WWOX: variants seen among roughly 807,000 people sequenced by gnomAD.
WWOX encodes the protein WW domain-containing oxidoreductase.
A neutral mutation model predicts 46.2 loss-of-function variants in WWOX; 69 were observed. That is an observed-to-expected ratio of 1.49 (90% confidence interval 1.23 to 1.82). The LOEUF (loss-of-function observed/expected upper bound fraction) is 1.82. Among genes scored for constraint, WWOX ranks in the 40% most tolerant of loss-of-function variants. The pLI, the probability that WWOX is intolerant of heterozygous loss-of-function variation, is 0.00. For synonymous variants in WWOX, 359 were observed against 202.6 expected (o/e 1.77, Z -6.56); for missense variants, 919 against 542.6 (o/e 1.69, Z -6.89).
At chr16:78,599,886 C>G (rs933452174) in intron 8 of WWOX, among the ~76,000 whole-genome samples, 1 of 152,060 alleles carries the variant, frequency 6.6e-6, no homozygotes, top group Non-Finnish European at 1.5e-5. Flanking sequence ...GGTCAACCAC[C>G]GCATTTCTAG....
At chr16:78,658,496 G>T (rs957587304) in intron 8 of WWOX, among the ~76,000 whole-genome samples, 1 of 152,162 alleles carries the variant, frequency 6.6e-6, no homozygotes, top group South Asian at 2.1e-4. Flanking sequence ...CACAGTTTTG[G>T]AGGCCAGACA....
At chr16:78,554,989 T>A (rs2044257002) in intron 8 of WWOX, among the ~76,000 whole-genome samples, 1 of 152,148 alleles carries the variant, frequency 6.6e-6, no homozygotes, top group Non-Finnish European at 1.5e-5. Flanking sequence ...GGGGCCCGGA[T>A]AAACCAGCAG....
chr16:78,383,537 C>T (rs189652880), intron 5 of WWOX, among the ~76,000 whole-genome samples: 3 of 152,080 alleles, frequency 2.0e-5, no homozygotes, highest in Admixed American at 6.5e-5. Flanking sequence ...GTTCACCTCT[C>T]GAAAAGGGGT....
chr16:78,468,161 G>A (rs57397584), intron 8 of WWOX, among the ~76,000 whole-genome samples: 3,904 of 151,966 alleles, frequency 0.026, 190 homozygotes, highest in African/African-American at 0.09. Flanking sequence ...GATCTTCACT[G>A]CTTTTACTAT....
chr16:78,659,140 G>C (rs1310289424), intron 8 of WWOX, among the ~76,000 whole-genome samples: 2 of 151,566 alleles, frequency 1.3e-5, no homozygotes, highest in Admixed American at 6.6e-5. Context: ...ACATGCTGGT[G>C]CACACATAAA....
intron 8 of WWOX, among the ~76,000 whole-genome samples, chr16:78,859,485 G>A (rs2052666354): frequency 1.3e-5 from 2 of 152,158 alleles, no homozygotes; most frequent in African/African-American, 4.8e-5. Flanking sequence ...AATTAAAAAT[G>A]GAATGTGTTA....
At chr16:78,642,946 T>G (rs2046755224) in intron 8 of WWOX, among the ~76,000 whole-genome samples, 1 of 152,178 alleles carries the variant, frequency 6.6e-6, no homozygotes, top group Admixed American at 6.5e-5. Context: ...ATAGTAATAA[T>G]AAGACCTGCT....
intron 8 of WWOX, among the ~76,000 whole-genome samples, chr16:78,779,822 A>G (rs1342591025): frequency 6.6e-6 from 1 of 152,170 alleles, no homozygotes; most frequent in African/African-American, 2.4e-5. Context: ...CTCTGGCCCC[A>G]AGGAAGGAAA....
At chr16:78,337,061 G>A (rs890985557) in intron 5 of WWOX, among the ~76,000 whole-genome samples, 5 of 152,156 alleles carry the variant, frequency 3.3e-5, no homozygotes, top group Non-Finnish European at 7.3e-5. Context: ...GATTACAGGT[G>A]TCAGCTAGTG....
At chr16:78,312,394 T>TTTTTTTTA (rs77756746) in intron 5 of WWOX, among the ~76,000 whole-genome samples, 10 of 151,350 alleles carry the variant, frequency 6.6e-5, no homozygotes, top group Admixed American at 6.6e-5. Context: ...TTTTTTTTTT[T>TTTTTTTTA]AAGACGGAGT....
At chr16:78,699,684 TGCCCGCTGATATCTACA>T (rs1038010526) in intron 8 of WWOX, among the ~76,000 whole-genome samples, 1 of 152,258 alleles carries the variant, frequency 6.6e-6, no homozygotes, top group African/African-American at 2.4e-5. Flanking sequence ...TTCCCTCTTC[TGCCCGCTGATATCTACA>T]GCCTCTACCA....
intron 8 of WWOX, among the ~76,000 whole-genome samples, chr16:78,742,051 C>T (rs1484368432): frequency 1.3e-5 from 2 of 152,210 alleles, no homozygotes; most frequent in Non-Finnish European, 2.9e-5. Context: ...CCTGGCAACC[C>T]TGTGACCTCA....
intron 8 of WWOX, among the ~76,000 whole-genome samples, chr16:78,517,528 G>A (rs902502174): frequency 6.6e-6 from 1 of 152,120 alleles, no homozygotes; most frequent in Non-Finnish European, 1.5e-5. Context: ...GAATTATGTG[G>A]GATTCAACAG....
At chr16:78,110,894 G>T (rs559333703) in intron 3 of WWOX, among the ~76,000 whole-genome samples, 16 of 152,174 alleles carry the variant, frequency 1.1e-4, no homozygotes, top group Non-Finnish European at 2.2e-4. Flanking sequence ...CTTGACCACC[G>T]TAGTTAAGAG....
chr16:78,347,760 C>T (rs2081117902), intron 5 of WWOX, among the ~76,000 whole-genome samples: 1 of 122,142 alleles, frequency 8.2e-6, no homozygotes. Flanking sequence ...GTTGCCCTGG[C>T]AATTTCTGAT....
chr16:78,333,475 T>G (rs1252675953), intron 5 of WWOX, among the ~76,000 whole-genome samples: 2 of 152,216 alleles, frequency 1.3e-5, no homozygotes, highest in African/African-American at 4.8e-5. Context: ...TAATACTTAG[T>G]TTAACTGGTA....
intron 8 of WWOX, among the ~76,000 whole-genome samples, chr16:78,977,284 A>G (rs371079590): frequency 6.6e-6 from 1 of 152,170 alleles, no homozygotes; most frequent in African/African-American, 2.4e-5. Flanking sequence ...TCGAGCTCTT[A>G]AATTTAAATG....
chr16:78,469,770 T>A (rs2084175384), intron 8 of WWOX, among the ~76,000 whole-genome samples: 1 of 152,178 alleles, frequency 6.6e-6, no homozygotes, highest in Non-Finnish European at 1.5e-5. Context: ...ATTTTCCCTG[T>A]TTCCCTAAGA....
In WWOX at chr16:79,211,984, A is replaced by G; in HGVS notation, c.*188A>G. On this transcript the variant is annotated 3_prime_UTR_variant, in exon 9 of 9. Transcript: ENST00000566780. The stretch of plus-strand genomic sequence containing the variant: ...AAGCAGGGAATTCCTGGGGTAAAGT[A>G]TCACTTTTCTGGGGCTGGGCTAGGC... 1 of 1,536,182 alleles carries G rather than the reference A, an allele frequency of 6.5e-7. No homozygotes were observed. Among genetic ancestry groups the G allele is most frequent in the South Asian group, 1.2e-5 (1 of 84,068 alleles).
Sources: gnomAD v4.1 joint callset for allele counts (sites outside exome capture counted in the v4.1 genomes callset) on GRCh38, gnomAD v4.1.1 for gene constraint, MANE v1.5 for transcripts, NCBI Gene and HGNC (gene_info 2026-07-23, HGNC 2026-07-21) for gene names.